The following SPTY2D1 variants were observed in gnomAD, a reference collection of about 807,000 sequenced individuals.
SPTY2D1 encodes protein SPT2 homolog.
A neutral mutation model predicts 64.0 loss-of-function variants in SPTY2D1; 21 were observed. The ratio of observed to expected loss-of-function variants is 0.33; its 90% CI spans 0.23 to 0.47. The LOEUF (loss-of-function observed/expected upper bound fraction) is 0.47. Among genes scored for constraint, SPTY2D1 ranks in the 20% least tolerant of loss-of-function variants. The pLI is 1.00. For synonymous variants in SPTY2D1, 287 were observed against 286.8 expected, an observed-to-expected ratio of 1.00 and a Z score of -0.01; for missense variants, 724 against 837.2, an observed-to-expected ratio of 0.86 and a Z score of 1.67.
At position 18,616,047 on chromosome 11, in the gene SPTY2D1, A is replaced by G; in HGVS notation, c.227T>C (p.Leu76Pro). Reference protein sequence around the residue: ...KEELVKKRIELKHDKKARAMA... With the variant: ...KEELVKKRIEPKHDKKARAMA... ...AGCTCTTGCTTTCTTGTCATGTTTG[A>G]GCTCAATTCGCTTTTTCACTAGTTC... Residue 76 changes from leucine (L) to proline (P), a missense_variant, in exon 3 of 6, where the codon CTC becomes CCC. Around this residue, in one of 3 missense-constraint regions of SPTY2D1, gnomAD observed 179 missense variants for 232.5 expected, o/e 0.77. Coordinates refer to ENST00000336349, the MANE Select transcript of SPTY2D1 (RefSeq NM_194285.3). 2 of 1,613,026 alleles carry G rather than the reference A, an allele frequency of 1.2e-6. No homozygotes were observed. The highest frequency in any genetic ancestry group is 1.7e-6 in the Non-Finnish European group (2 of 1,179,628).
intron 2 of SPTY2D1, 76 bp from the exon 3 acceptor site, chr11:18,616,174 G>A (rs1394502025): frequency 5.3e-6 from 7 of 1,332,666 alleles, no homozygotes; most frequent in East Asian, 2.3e-5. Context: ...AAAACACAAC[G>A]TTCAGGTTAC....
chr11:18,616,913 G>A lies in SPTY2D1; in HGVS notation c.137C>T (p.Ala46Val). The A allele has an allele frequency of 6.2e-7, 1 of 1,614,124 alleles. No homozygotes were observed. The highest frequency in any genetic ancestry group is 8.5e-7 in the Non-Finnish European group (1 of 1,180,004). Residue 46 changes from alanine (A) to valine (V), a missense_variant, in exon 2 of 6, where the codon GCT becomes GTT. Ala to Val is a moderately conservative substitution (Grantham distance 64). Transcript: ENST00000336349. Reference protein sequence around the residue: ...VKGVQSAAVQAFLKRKEEELR... With the variant: ...VKGVQSAAVQVFLKRKEEELR... ...CTCCTCTTCTTTCCTTTTAAGAAAA[G>A]CTTGTACAGCTGCTGATTGGACACC...
chr11:18,631,061 A>G (rs1854579199), intron 1 of SPTY2D1, among the ~76,000 whole-genome samples: 2 of 151,856 alleles, frequency 1.3e-5, no homozygotes, highest in Non-Finnish European at 2.9e-5. Context: ...CTGGTCTCAA[A>G]CTCCTGATCT....
intron 1 of SPTY2D1, among the ~76,000 whole-genome samples, chr11:18,624,888 A>C (rs1177804808): frequency 6.6e-6 from 1 of 152,200 alleles, no homozygotes; most frequent in Non-Finnish European, 1.5e-5. Context: ...AATCCCAGCT[A>C]CTAGGGAGGC....
intron 4 of SPTY2D1, among the ~76,000 whole-genome samples, chr11:18,611,997 T>C (rs1854213762): frequency 6.6e-6 from 1 of 152,148 alleles, no homozygotes; most frequent in South Asian, 2.1e-4. Flanking sequence ...ACCAAGAACA[T>C]ACAGCTTGTT....
chr11:18,625,546 C>T (rs1450601089), intron 1 of SPTY2D1, among the ~76,000 whole-genome samples: 1 of 129,964 alleles, frequency 7.7e-6, no homozygotes, highest in African/African-American at 2.5e-5. Flanking sequence ...CTCACTACAA[C>T]ACATCTCATT....
At chr11:18,627,978 G>A (rs186693998) in intron 1 of SPTY2D1, among the ~76,000 whole-genome samples, 1 of 152,322 alleles carries the variant, frequency 6.6e-6, no homozygotes, top group East Asian at 1.9e-4. Context: ...AACCTAGGAG[G>A]CAGAGGTTGC....
At chr11:18,624,455 C>A (rs1223763839) in intron 1 of SPTY2D1, among the ~76,000 whole-genome samples, 1 of 152,158 alleles carries the variant, frequency 6.6e-6, no homozygotes, top group Non-Finnish European at 1.5e-5. Context: ...ACACTGCAAG[C>A]CAACTCAGTC....
At chr11:18,610,667 T>TAAAAAAAAAAAAAAAAAAA (rs58363516) in intron 5 of SPTY2D1, among the ~76,000 whole-genome samples, 3 of 96,706 alleles carry the variant, frequency 3.1e-5, no homozygotes, top group African/African-American at 1.1e-4. Flanking sequence ...CCCTGTCTCT[T>TAAAAAAAAAAAAAAAAAAA]AAAAAAAAAA....
At chr11:18,611,894 A>G (rs10832949) in intron 4 of SPTY2D1, among the ~76,000 whole-genome samples, 55,041 of 151,976 alleles carry the variant, frequency 0.36, 11,342 homozygotes, top group Middle Eastern at 0.49. Context: ...AAATTATTTT[A>G]TATATAATAA....
At chr11:18,613,507 A>G (rs535259339) in intron 3 of SPTY2D1, among the ~76,000 whole-genome samples, 1 of 152,304 alleles carries the variant, frequency 6.6e-6, no homozygotes, top group East Asian at 1.9e-4. Flanking sequence ...TATCCCATGC[A>G]TTGTTTGTCA....
At chr11:18,627,985 T>G (rs1590406159) in intron 1 of SPTY2D1, among the ~76,000 whole-genome samples, 1 of 151,816 alleles carries the variant, frequency 6.6e-6, no homozygotes, top group African/African-American at 2.4e-5. Context: ...GAGGCAGAGG[T>G]TGCAGTGAGC....
In SPTY2D1 at chr11:18,609,111, A is replaced by G. The variant is rs1411252328; in HGVS notation, c.*750T>C. Reference sequence around the variant, plus strand: ...AATGAATTTTTTTAGATAAAAATCAATCAGCACAGTGACCTTGTCTTACAC... The same window carrying G: ...AATGAATTTTTTTAGATAAAAATCAGTCAGCACAGTGACCTTGTCTTACAC... On this transcript the variant is annotated 3_prime_UTR_variant, in exon 6 of 6. Transcript: ENST00000336349. 1 of 152,250 alleles carries G rather than the reference A, an allele frequency of 6.6e-6. No individual in the cohort carries two copies. Among genetic ancestry groups the G allele is most frequent in the East Asian group, 1.9e-4 (1 of 5,206 alleles). The allele number at this position is 152,250 out of a possible 1,614,324, so 9.4% of individuals were successfully genotyped here. A position where few individuals can be genotyped will look rare whatever the true frequency, so the allele number is the denominator to read the frequency against.
rs533206358 is a variant in SPTY2D1, at chr11:18,617,888, G to C, written c.61-899C>G. Among the ~76,000 whole-genome samples, 3 of 152,296 alleles carry C rather than the reference G, an allele frequency of 2.0e-5. No homozygotes were observed. In the East Asian group the frequency reaches 5.8e-4, roughly 29 times the overall value. On this transcript the variant is annotated intron_variant, in intron 1 of 5. Transcript: ENST00000336349. The stretch of plus-strand genomic sequence containing the variant: ...ACCCAGGAGGCAGAGGTTGCAGTGA[G>C]CCGAGATTGCGCCACTGCACTCCAG...
Position 18,615,804 on chromosome 11 carries a change from T to G in SPTY2D1, c.470A>C (p.Lys157Thr), listed in dbSNP as rs574498908. 97 of 1,614,150 alleles carry G rather than the reference T, an allele frequency of 6.0e-5. 2 individuals are homozygous for G. The South Asian group carries it at 1.0e-3, about 17-fold the overall frequency. Residue 157 changes from lysine to threonine, a missense_variant, in exon 3 of 6, where the codon AAG becomes ACG. Around this residue, in one of 3 missense-constraint regions of SPTY2D1, gnomAD observed 179 missense variants for 232.5 expected, o/e 0.77. Coordinates refer to ENST00000336349, the MANE Select transcript of SPTY2D1 (RefSeq NM_194285.3). ...QEPPKVESKPKVPLKSAPPPM... is the reference protein window; with the variant it reads ...QEPPKVESKPTVPLKSAPPPM... ...TGGTGGGGCACTTTTAAGGGGGACC[T>G]TTGGTTTGCTTTCAACTTTGGGAGG...
rs576259668 is a variant in SPTY2D1 at position 18,609,898 on chromosome 11, A to T, written c.2021T>A (p.Met674Lys). 1 of 1,614,036 alleles carries T rather than the reference A, an allele frequency of 6.2e-7. No individual in the cohort carries two copies. The highest frequency in any genetic ancestry group is 1.7e-5 in the Admixed American group (1 of 59,988). The stretch of plus-strand genomic sequence containing the variant: ...CAGCTTCTTGGCCCTTCGACGTTGC[A>T]TTTCTTCTTCTTCACGTCTCATTTC... ...LEEMRREEEE[M>K]QRRRAKKLKR... The change falls in exon 6 of 6, where the codon ATG (methionine) becomes AAG (lysine). Residue 674 changes from methionine to lysine, a missense_variant. Met to Lys is a moderately conservative substitution (Grantham distance 95). Around this residue, in one of 3 missense-constraint regions of SPTY2D1, gnomAD observed 119 missense variants for 172.9 expected, o/e 0.69. Transcript: ENST00000336349.
At position 18,616,107 on chromosome 11, in the gene SPTY2D1, G is replaced by C; in HGVS notation, c.176-9C>G. ...CCTTTTCTCCTCTAAGGCTAAAAGG[G>C]ACAAAACAAGAATATGTTATTACTT... On this transcript the variant is annotated splice_polypyrimidine_tract_variant and intron_variant, in intron 2 of 5. Transcript: ENST00000336349. 6.3e-7 allele frequency: 1 copy of C among 1,578,378 alleles called. No individual in the cohort carries two copies. Among genetic ancestry groups the C allele is most frequent in the Non-Finnish European group, 8.6e-7 (1 of 1,163,376 alleles).
chr11:18,625,817 CTT>C (rs779130410), intron 1 of SPTY2D1, among the ~76,000 whole-genome samples: 16 of 118,868 alleles, frequency 1.3e-4, no homozygotes, highest in Admixed American at 1.6e-4. Context: ...CCAACACTTT[CTT>C]TTTTTTTTTT....
chr11:18,610,120 AG>A (rs1256667142), intron 5 of SPTY2D1, 166 bp from the exon 6 acceptor site: 4 of 516,560 alleles, frequency 7.7e-6, no homozygotes, highest in Non-Finnish European at 1.3e-5. Context: ...TTTTTTTACC[AG>A]GGGCCACAGA....
Sources: allele counts gnomAD v4.1 joint callset (sites outside exome capture counted in the v4.1 genomes callset), GRCh38; gene constraint gnomAD v4.1.1; regional missense constraint gnomAD v4.1.1; transcripts MANE v1.5; gene names NCBI Gene and HGNC (gene_info 2026-07-23, HGNC 2026-07-21).